The following MDH2 variants were observed in gnomAD, a reference collection of about 807,000 sequenced individuals.
MDH2 encodes malate dehydrogenase 2.
MDH2 carries 25 observed loss-of-function variants against 33.6 expected under a neutral mutation model. The ratio of observed to expected loss-of-function variants is 0.74; its 90% confidence interval spans 0.54 to 1.04. MDH2 has a LOEUF of 1.04. Among genes scored for constraint, MDH2 ranks in the 50% least tolerant of loss-of-function variants. The pLI is 0.00. For synonymous variants in MDH2, 193 were observed against 188.7 expected, an observed-to-expected ratio of 1.02 and a Z score of -0.19; for missense variants, 432 against 445.0, an observed-to-expected ratio of 0.97 and a Z score of 0.26.
chr7:76,065,649 G>C (rs770359140), intron 8 of MDH2, among the ~76,000 whole-genome samples: 1 of 152,182 alleles, frequency 6.6e-6, no homozygotes, highest in Non-Finnish European at 1.5e-5. Flanking sequence ...CAGGTGAGAC[G>C]CACCCGGTTC....
rs1554587467 is a variant in MDH2 at position 76,064,361 on chromosome 7, C to T, written c.656C>T (p.Pro219Leu). ...ISQCTPKVDF[P>L]QDQLTALTGR... The stretch of plus-strand genomic sequence containing the variant: ...CAGTGCACCCCCAAGGTGGACTTTC[C>T]CCAGGACCAGCTGACAGCACTCACT... The change falls in exon 7 of 9, where the codon CCC becomes CTC. Residue 219 changes from proline to leucine, a missense_variant. By Grantham distance (98) the Pro-to-Leu change is moderately conservative (BLOSUM62 -3). Transcript: ENST00000315758. The T allele has an allele frequency of 1.9e-6, 3 of 1,613,110 alleles. No homozygotes were observed.
rs536644108 is a variant in MDH2, at chr7:76,064,876, G to C, written c.808G>C (p.Glu270Gln). The change falls in exon 8 of 9, where the codon GAA (glutamate) becomes CAA (glutamine). Residue 270 changes from glutamate to glutamine, a missense_variant. Transcript: ENST00000315758. ...CCTTGTGGATGCAATGAATGGAAAGGAAGGTGTTGTGGAATGTTCCTTCGT... is the reference window on the plus strand; with the variant it reads ...CCTTGTGGATGCAATGAATGGAAAGCAAGGTGTTGTGGAATGTTCCTTCGT... ...FSLVDAMNGK[E>Q]GVVECSFVKS... 3.2e-5 allele frequency: 51 copies of C among 1,614,232 alleles called. No homozygotes were observed. The South Asian group carries it at 5.3e-4, about 17-fold the overall frequency.
Position 76,057,424 on chromosome 7 carries a change from G to C in MDH2, c.250G>C (p.Glu84Gln). Residue 84 changes from glutamate to glutamine, a missense_variant, in exon 3 of 9, where the codon GAA (glutamate) becomes CAA (glutamine). By Grantham distance (29) the Glu-to-Gln change is conservative (BLOSUM62 2). Transcript: ENST00000315758. ...GTTTGTTCTAGGCTACCTCGGACCT[G>C]AACAGCTGCCTGACTGCCTGAAAGG... is the stretch of plus-strand genomic sequence containing the variant. The part of the protein sequence containing the change: ...KAAVKGYLGP[E>Q]QLPDCLKGCD... The C allele has an allele frequency of 6.2e-7, 1 of 1,614,184 alleles. No homozygotes were observed.
At position 76,053,421 on chromosome 7, in the gene MDH2, C is replaced by T. The variant is rs148476517; in HGVS notation, c.67-1409C>T. The stretch of plus-strand genomic sequence containing the variant: ...AGCCTGCCCGACCTCAGGTTCTGAG[C>T]GGGTCTGACAGGTTCAAGTTTCCAG... On this transcript the variant is annotated intron_variant, in intron 1 of 8. Coordinates refer to ENST00000315758, the MANE Select transcript of MDH2 (RefSeq NM_005918.4). 1.8e-3 allele frequency among the ~76,000 whole-genome samples: 277 copies of T among 152,274 alleles called. 2 individuals carry two copies. The highest frequency in any genetic ancestry group is 5.7e-3 in the African/African-American group (237 of 41,550).
At position 76,060,509 on chromosome 7, in the gene MDH2, C is replaced by T. The variant is rs782060892; in HGVS notation, c.555+11C>T. On this transcript the variant is annotated intron_variant, in intron 5 of 8. Coordinates refer to ENST00000315758, the MANE Select transcript of MDH2 (RefSeq NM_005918.4). ...GTTGCAGAGCTGAAGGTAAGGGCGG[C>T]GTGGGTGTTGCTCAGGTGACCTTTC... 1.9e-6 allele frequency: 3 copies of T among 1,613,528 alleles called. No homozygotes were observed. The highest frequency in any genetic ancestry group is 2.2e-5 in the East Asian group (1 of 44,882).
chr7:76,049,968 A>G (rs1302066995), intron 1 of MDH2, among the ~76,000 whole-genome samples: 1 of 152,048 alleles, frequency 6.6e-6, no homozygotes, highest in African/African-American at 2.4e-5. Context: ...AATAGCTGGG[A>G]CTACAGGCGC....
chr7:76,054,928 C>G lies in MDH2; in HGVS notation c.165C>G (p.Leu55=), dbSNP rs1563546877. The G allele has an allele frequency of 1.2e-6, 2 of 1,614,178 alleles. No homozygotes were observed. Among genetic ancestry groups the G allele is most frequent in the South Asian group, 1.1e-5 (1 of 91,086 alleles). ...GCCCCTTGGTGAGCCGCCTGACCCTCTATGATATCGCGCACACACCCGGAG... is the reference window on the plus strand; with the variant it reads ...GCCCCTTGGTGAGCCGCCTGACCCTGTATGATATCGCGCACACACCCGGAG... ...KNSPLVSRLT[L]YDIAHTPGVA... The change falls in exon 2 of 9, where the codon CTC becomes CTG. Residue 55 remains leucine, a synonymous_variant. Transcript: ENST00000315758.
In MDH2 at chr7:76,055,054, C is replaced by G. The variant is rs574576746; in HGVS notation, c.235+56C>G. ...TTCCTGTCCCCAGTAGGCCAGGATT[C>G]GAGTTTTGAGTAAGATTCTTAGATG... On this transcript the variant is annotated intron_variant, in intron 2 of 8. Coordinates refer to ENST00000315758, the MANE Select transcript of MDH2 (RefSeq NM_005918.4). 65 of 1,532,224 alleles carry G rather than the reference C, an allele frequency of 4.2e-5. No homozygotes were observed. The South Asian group carries it at 7.8e-4, about 18-fold the overall frequency. 94.9% of individuals were successfully genotyped at this position (1,532,224 alleles called of 1,614,324 possible). A position where few individuals can be genotyped will look rare whatever the true frequency, so the allele number is the denominator to read the frequency against.
intron 2 of MDH2, 73 bp from the exon 3 acceptor site, chr7:76,057,337 G>A: frequency 6.4e-7 from 1 of 1,555,468 alleles, no homozygotes. Flanking sequence ...TTGGCCTTAA[G>A]GCCAGGGCTG....
chr7:76,048,453 C>A, intron 1 of MDH2: 2 of 1,147,586 alleles, frequency 1.7e-6, no homozygotes, highest in Middle Eastern at 3.1e-4. Flanking sequence ...AGGGCCGGTC[C>A]ATTTGTCAGG....
chr7:76,059,428 G>T (rs138773590), intron 4 of MDH2, among the ~76,000 whole-genome samples: 171 of 152,208 alleles, frequency 1.1e-3, no homozygotes, highest in African/African-American at 3.9e-3. Context: ...ACACACAGTC[G>T]CGGACACACA....
At chr7:76,056,282 T>TA (rs1301635228) in intron 2 of MDH2, among the ~76,000 whole-genome samples, 2 of 152,242 alleles carry the variant, frequency 1.3e-5, no homozygotes, top group Non-Finnish European at 2.9e-5. Context: ...GTTGAAGTCT[T>TA]AGAGTTCTAA....
At chr7:76,059,510 G>A (rs75523260) in intron 4 of MDH2, among the ~76,000 whole-genome samples, 573 of 152,322 alleles carry the variant, frequency 3.8e-3, no homozygotes, top group Non-Finnish European at 6.5e-3. Flanking sequence ...TGAGTGCTGC[G>A]TCCTCACTGA....
At chr7:76,062,611 C>T (rs1001404866) in intron 5 of MDH2, among the ~76,000 whole-genome samples, 5 of 152,330 alleles carry the variant, frequency 3.3e-5, no homozygotes, top group Admixed American at 2.0e-4. Flanking sequence ...GGTTATTGTC[C>T]GTTTTAAGAA....
rs1216002026 is a variant in MDH2 at position 76,054,929 on chromosome 7, TATG to T, written c.169_171del (p.Asp57del). ...CCCCTTGGTGAGCCGCCTGACCCTC[TATG>T]ATATCGCGCACACACCCGGAGTGGC... On this transcript the variant is annotated inframe_deletion, in exon 2 of 9. Coordinates refer to ENST00000315758, the MANE Select transcript of MDH2 (RefSeq NM_005918.4). The T allele has an allele frequency of 6.2e-7, 1 of 1,613,954 alleles. No individual in the cohort carries two copies. Among genetic ancestry groups the T allele is most frequent in the Non-Finnish European group, 8.5e-7 (1 of 1,179,958 alleles).
chr7:76,048,260 G>GC (rs1275016106), intron 1 of MDH2, 34 bp downstream of exon 1: 2 of 1,525,722 alleles, frequency 1.3e-6, no homozygotes, highest in African/African-American at 1.4e-5. Context: ...GCAGGCGGAG[G>GC]CCCCCCGGCC....
intron 8 of MDH2, among the ~76,000 whole-genome samples, chr7:76,065,933 T>A (rs188604202): frequency 1.3e-5 from 2 of 152,240 alleles, no homozygotes; most frequent in Admixed American, 1.3e-4. Flanking sequence ...GATGATTGAG[T>A]TCCTGGCGTC....
At chr7:76,060,803 G>A (rs1014470004) in intron 5 of MDH2, among the ~76,000 whole-genome samples, 53 of 151,844 alleles carry the variant, frequency 3.5e-4, no homozygotes, top group Admixed American at 2.0e-4. Context: ...GGACTTGGAC[G>A]GGGCTCCCCC....
chr7:76,050,052 G>C (rs1226446435), intron 1 of MDH2, among the ~76,000 whole-genome samples: 1 of 151,256 alleles, frequency 6.6e-6, no homozygotes, highest in Non-Finnish European at 1.5e-5. Context: ...GGATGGACCT[G>C]ACAGAGTCCC....
Sources: allele counts gnomAD v4.1 joint callset (sites outside exome capture counted in the v4.1 genomes callset), GRCh38; gene constraint gnomAD v4.1.1; transcripts MANE v1.5; gene names NCBI Gene and HGNC (gene_info 2026-07-23, HGNC 2026-07-21).